Variants in CRIM1 observed in about 807,000 individuals in gnomAD.
The protein encoded by CRIM1 is cysteine rich transmembrane BMP regulator 1, also known as cysteine-rich motor neuron 1 protein.
In CRIM1, 32 loss-of-function variants were observed where a neutral mutation model predicts 116.4. The observed-to-expected ratio is 0.27, with a 90% confidence interval of 0.21 to 0.37. CRIM1 has a LOEUF of 0.37. Ranked by LOEUF, CRIM1 falls within the 10% of genes least tolerant of loss-of-function variation. CRIM1 has a pLI of 1.00. For missense variants in CRIM1, 1,331 were observed against 1,354.8 expected (o/e 0.98, Z 0.28); for synonymous variants, 590 against 509.2 (o/e 1.16, Z -2.13).
chr2:36,512,140 G>C, intron 9 of CRIM1, 133 bp from the exon 10 acceptor site: 1 of 1,079,600 alleles, frequency 9.3e-7, no homozygotes, highest in South Asian at 1.6e-5. Flanking sequence ...CATCACTCCA[G>C]GAATCTTTGA....
At chr2:36,541,401 G>A (rs1666934495) in intron 14 of CRIM1, among the ~76,000 whole-genome samples, 1 of 152,238 alleles carries the variant, frequency 6.6e-6, no homozygotes, top group South Asian at 2.1e-4. Context: ...GAACCTATGA[G>A]CTGTTAGGTG....
At position 36,361,794 on chromosome 2, in the gene CRIM1, T is replaced by A. The variant is rs1186730489; in HGVS notation, c.331+5171T>A. On this transcript the variant is annotated intron_variant, in intron 1 of 16. Coordinates refer to ENST00000280527, the MANE Select transcript of CRIM1 (RefSeq NM_016441.3). ...AGGGAAATACATTTAGTGAAGCGGG[T>A]TCCTGTAACACTGTGTTCCGTATGG... Among the ~76,000 whole-genome samples, 7 of 152,258 alleles carry A rather than the reference T, an allele frequency of 4.6e-5. No individual in the cohort carries two copies. The East Asian group carries it at 7.7e-4, about 17-fold the overall frequency.
intron 3 of CRIM1, 124 bp from the exon 4 acceptor site, chr2:36,442,491 C>T: frequency 8.8e-7 from 1 of 1,130,756 alleles, no homozygotes; most frequent in Admixed American, 1.9e-5. Flanking sequence ...CATGTCGACA[C>T]TAGGACTGGG....
intron 2 of CRIM1, among the ~76,000 whole-genome samples, chr2:36,419,195 T>C (rs960582926): frequency 2.4e-4 from 37 of 152,192 alleles, no homozygotes; most frequent in Non-Finnish European, 2.4e-4. Flanking sequence ...GTTCTAGTCA[T>C]AAAGGAGGCT....
At chr2:36,370,362 T>C (rs561339244) in intron 1 of CRIM1, among the ~76,000 whole-genome samples, 30 of 152,194 alleles carry the variant, frequency 2.0e-4, no homozygotes, top group Non-Finnish European at 3.5e-4. Context: ...AGGTGTTTTT[T>C]GTTGGCAGTA....
chr2:36,361,376 A>G (rs1669212353), intron 1 of CRIM1, among the ~76,000 whole-genome samples: 1 of 152,158 alleles, frequency 6.6e-6, no homozygotes, highest in Non-Finnish European at 1.5e-5. Flanking sequence ...ATCCATTTGT[A>G]GGAGGTATTT....
At chr2:36,515,682 C>G (rs1428989532) in intron 11 of CRIM1, among the ~76,000 whole-genome samples, 1 of 152,228 alleles carries the variant, frequency 6.6e-6, no homozygotes, top group African/African-American at 2.4e-5. Flanking sequence ...TCTCTTTTGT[C>G]TCCATGTCTC....
At chr2:36,401,703 A>G (rs1672415082) in intron 2 of CRIM1, among the ~76,000 whole-genome samples, 1 of 152,338 alleles carries the variant, frequency 6.6e-6, no homozygotes, top group African/African-American at 2.4e-5. Flanking sequence ...AGTTGGGTAC[A>G]TGGCTTTTAA....
At chr2:36,459,933 G>A (rs1382273449) in intron 4 of CRIM1, among the ~76,000 whole-genome samples, 1 of 152,164 alleles carries the variant, frequency 6.6e-6, no homozygotes, top group South Asian at 2.1e-4. Context: ...TGTCTGTGAA[G>A]TCCAGGAAGC....
At chr2:36,435,656 G>A (rs1414247130) in intron 2 of CRIM1, among the ~76,000 whole-genome samples, 3 of 148,208 alleles carry the variant, frequency 2.0e-5, no homozygotes, top group Non-Finnish European at 4.5e-5. Flanking sequence ...CAAAAACAGC[G>A]ATTGCTTTTG....
At chr2:36,377,591 G>A (rs924571922) in intron 1 of CRIM1, among the ~76,000 whole-genome samples, 1 of 152,088 alleles carries the variant, frequency 6.6e-6, no homozygotes, top group Non-Finnish European at 1.5e-5. Flanking sequence ...TGGTTATAAG[G>A]AATACTTAAG....
chr2:36,464,103 C>T (rs1243594507), intron 4 of CRIM1, among the ~76,000 whole-genome samples: 2 of 152,142 alleles, frequency 1.3e-5, no homozygotes, highest in African/African-American at 2.4e-5. Flanking sequence ...ACATCAGTTG[C>T]AGCAAAGGAG....
intron 2 of CRIM1, among the ~76,000 whole-genome samples, chr2:36,426,280 C>T (rs1231815447): frequency 6.6e-6 from 1 of 152,092 alleles, no homozygotes; most frequent in Non-Finnish European, 1.5e-5. Context: ...AATTATGATC[C>T]ATCCGTTTTT....
In CRIM1 at chr2:36,379,594, A is replaced by G. The variant is rs928619021; in HGVS notation, c.332-17020A>G. On this transcript the variant is annotated intron_variant, in intron 1 of 16. Transcript: ENST00000280527. ...GAACTGGTTTTTAATGAAGGGTAAT[A>G]TGTACTTGGGGTCCAAACTCTAGTT... Among the ~76,000 whole-genome samples, 44 of 152,288 alleles carry G rather than the reference A, an allele frequency of 2.9e-4. 1 individual carries two copies. Among genetic ancestry groups the G allele is most frequent in the African/African-American group, 1.0e-3 (43 of 41,566 alleles).
chr2:36,538,650 C>G (rs139660557), intron 14 of CRIM1, among the ~76,000 whole-genome samples: 115 of 152,272 alleles, frequency 7.6e-4, no homozygotes, highest in African/African-American at 2.6e-3. Flanking sequence ...TTGAGCATTT[C>G]TAAAAATGTC....
At chr2:36,392,748 C>T (rs1671711068) in intron 1 of CRIM1, among the ~76,000 whole-genome samples, 1 of 151,992 alleles carries the variant, frequency 6.6e-6, no homozygotes, top group Non-Finnish European at 1.5e-5. Context: ...TCCTATGAAG[C>T]GGTGGTTGCT....
At chr2:36,384,400 G>A (rs938836501) in intron 1 of CRIM1, among the ~76,000 whole-genome samples, 1 of 152,222 alleles carries the variant, frequency 6.6e-6, no homozygotes, top group Non-Finnish European at 1.5e-5. Flanking sequence ...TTATAGATAC[G>A]GCTTGTGCTG....
At chr2:36,397,605 G>A (rs1039761427) in intron 2 of CRIM1, among the ~76,000 whole-genome samples, 4 of 152,184 alleles carry the variant, frequency 2.6e-5, no homozygotes, top group African/African-American at 4.8e-5. Flanking sequence ...AAATGATGTC[G>A]TTGTAAGATG....
intron 2 of CRIM1, among the ~76,000 whole-genome samples, chr2:36,427,848 C>G (rs557952532): frequency 6.6e-6 from 1 of 152,314 alleles, no homozygotes; most frequent in Non-Finnish European, 1.5e-5. Context: ...CATTCCTAGC[C>G]CATTTGTTCA....
Sources: allele counts gnomAD v4.1 joint callset (sites outside exome capture counted in the v4.1 genomes callset), GRCh38; gene constraint gnomAD v4.1.1; transcripts MANE v1.5; gene names NCBI Gene and HGNC (gene_info 2026-07-23, HGNC 2026-07-21).